XPR1: variants seen among roughly 807,000 people sequenced by gnomAD.
XPR1 encodes solute carrier family 53 member 1.
XPR1 carries 28 observed loss-of-function variants against 87.5 expected under a neutral mutation model. That is an observed-to-expected ratio of 0.32 (90% CI 0.24 to 0.44). XPR1 has a LOEUF of 0.44. Among genes scored for constraint, XPR1 ranks in the 20% least tolerant of loss-of-function variants. The probability of loss-of-function intolerance (pLI) is 1.00; values close to 1 mark genes in which losing one functional copy is unlikely to be tolerated. For missense variants in XPR1, 559 were observed against 862.3 expected (o/e 0.65, Z 4.41); for synonymous variants, 300 against 306.1 (o/e 0.98, Z 0.21).
At chr1:180,789,956 A>G (rs1404799824) in intron 3 of XPR1, among the ~76,000 whole-genome samples, 5 of 152,040 alleles carry the variant, frequency 3.3e-5, no homozygotes, top group East Asian at 1.9e-4. Flanking sequence ...GTCCTAATCA[A>G]TATCATTTTT....
intron 1 of XPR1, among the ~76,000 whole-genome samples, chr1:180,654,797 C>T (rs1655400497): frequency 6.6e-6 from 1 of 152,034 alleles, no homozygotes; most frequent in African/African-American, 2.4e-5. Context: ...AATTGAAAGA[C>T]GCTTGGGTTG....
chr1:180,687,285 C>T (rs772065067), intron 2 of XPR1, among the ~76,000 whole-genome samples: 9 of 151,994 alleles, frequency 5.9e-5, no homozygotes, highest in Non-Finnish European at 7.4e-5. Context: ...AATTTTCTTT[C>T]AGCTATTATT....
rs1450508240 is a variant in XPR1, at chr1:180,885,355, A to C, written c.*1289A>C. The C allele has an allele frequency of 6.6e-6, 1 of 152,646 alleles. No homozygotes were observed. Among genetic ancestry groups the C allele is most frequent in the Non-Finnish European group, 1.5e-5 (1 of 68,040 alleles). 9.5% of individuals were successfully genotyped at this position (152,646 alleles called of 1,614,324 possible). ...TGAACATTGGATTTCATGCCATCCC[A>C]TAGAAAACCTGTTTTAAAATTTTAG... On this transcript the variant is annotated 3_prime_UTR_variant, in exon 15 of 15. Transcript: ENST00000367590.
chr1:180,818,452 C>G (rs976453679), intron 7 of XPR1, among the ~76,000 whole-genome samples: 1 of 151,836 alleles, frequency 6.6e-6, no homozygotes, highest in Admixed American at 6.6e-5. Context: ...GGGCAAGGAA[C>G]CTATTTTGAG....
At chr1:180,760,752 T>C (rs1210064701) in intron 2 of XPR1, among the ~76,000 whole-genome samples, 1 of 152,234 alleles carries the variant, frequency 6.6e-6, no homozygotes, top group African/African-American at 2.4e-5. Context: ...CTTCACAGAA[T>C]TGGAAAAACC....
intron 2 of XPR1, among the ~76,000 whole-genome samples, chr1:180,784,486 T>G (rs1649059186): frequency 6.6e-6 from 1 of 152,068 alleles, no homozygotes; most frequent in Non-Finnish European, 1.5e-5. Context: ...TTAAATGTTG[T>G]AGATATATAT....
At chr1:180,881,391 C>T (rs897845223) in intron 14 of XPR1, among the ~76,000 whole-genome samples, 8 of 152,190 alleles carry the variant, frequency 5.3e-5, no homozygotes, top group Non-Finnish European at 1.5e-5. Flanking sequence ...TCTCGATCTC[C>T]TGACCTCGTG....
At chr1:180,707,672 C>T in intron 2 of XPR1, among the ~76,000 whole-genome samples, 1 of 152,128 alleles carries the variant, frequency 6.6e-6, no homozygotes, top group South Asian at 2.1e-4. Flanking sequence ...CTTGTCTTTA[C>T]TGCAACTCTC....
At chr1:180,758,884 A>G (rs1647869572) in intron 2 of XPR1, 2 of 152,470 alleles carry the variant, frequency 1.3e-5, no homozygotes, top group South Asian at 2.1e-4. Flanking sequence ...CTCCTCAGCA[A>G]ATGTAAAAGA....
At chr1:180,634,716 G>C (rs1339458263) in intron 1 of XPR1, among the ~76,000 whole-genome samples, 3 of 152,006 alleles carry the variant, frequency 2.0e-5, no homozygotes, top group Non-Finnish European at 4.4e-5. Context: ...CTAGTATCGT[G>C]AATCAATGTG....
At chr1:180,739,157 T>C (rs1658837133) in intron 2 of XPR1, among the ~76,000 whole-genome samples, 1 of 152,208 alleles carries the variant, frequency 6.6e-6, no homozygotes, top group African/African-American at 2.4e-5. Flanking sequence ...TTGAATTGCC[T>C]GTGCACCTTT....
At chr1:180,807,017 A>C (rs546468159) in intron 6 of XPR1, among the ~76,000 whole-genome samples, 1 of 152,342 alleles carries the variant, frequency 6.6e-6, no homozygotes. Flanking sequence ...ATATTTTCAG[A>C]CAACAGTGGA....
At chr1:180,762,098 T>A (rs1198488642) in intron 2 of XPR1, among the ~76,000 whole-genome samples, 3 of 127,024 alleles carry the variant, frequency 2.4e-5, no homozygotes, top group Non-Finnish European at 3.2e-5. Flanking sequence ...AGGAAGGGGA[T>A]CATCACACTC....
chr1:180,812,129 T>C (rs1400954127), intron 7 of XPR1, among the ~76,000 whole-genome samples: 4 of 152,152 alleles, frequency 2.6e-5, no homozygotes, highest in African/African-American at 9.7e-5. Flanking sequence ...TGAAACACTT[T>C]GATTGTTTTT....
At chr1:180,667,458 G>A (rs924470044) in intron 1 of XPR1, among the ~76,000 whole-genome samples, 3 of 152,034 alleles carry the variant, frequency 2.0e-5, no homozygotes, top group African/African-American at 7.2e-5. Flanking sequence ...ATCCCACTTG[G>A]TCATGGTGTA....
chr1:180,781,245 G>A (rs1648924305), intron 2 of XPR1, among the ~76,000 whole-genome samples: 1 of 151,550 alleles, frequency 6.6e-6, no homozygotes, highest in African/African-American at 2.4e-5. Context: ...TTTAAAAATA[G>A]TGTGTGGAGC....
chr1:180,814,184 A>G (rs1256545452), intron 7 of XPR1, among the ~76,000 whole-genome samples: 2 of 152,200 alleles, frequency 1.3e-5, no homozygotes, highest in East Asian at 3.8e-4. Context: ...CTTTTAGAGA[A>G]CATATGAATT....
At chr1:180,682,825 T>C (rs1416324371) in intron 2 of XPR1, among the ~76,000 whole-genome samples, 1 of 151,740 alleles carries the variant, frequency 6.6e-6, no homozygotes, top group Non-Finnish European at 1.5e-5. Flanking sequence ...TGGATGTGTG[T>C]GTGTGTGCGT....
At chr1:180,762,367 A>T (rs926957253) in intron 2 of XPR1, among the ~76,000 whole-genome samples, 5 of 152,216 alleles carry the variant, frequency 3.3e-5, no homozygotes, top group African/African-American at 1.2e-4. Flanking sequence ...AAACTGTTGA[A>T]GTTCTGTGGT....
Sources: allele counts gnomAD v4.1 joint callset (sites outside exome capture counted in the v4.1 genomes callset), GRCh38; gene constraint gnomAD v4.1.1; transcripts MANE v1.5; gene names NCBI Gene and HGNC (gene_info 2026-07-23, HGNC 2026-07-21).